ARHGAP24: variants seen among roughly 807,000 people sequenced by gnomAD.
ARHGAP24 encodes the protein Rho GTPase activating protein 24.
Under a neutral mutation model 76.4 loss-of-function variants are expected in ARHGAP24, and 50 were observed. That is an observed-to-expected ratio of 0.65 (90% CI 0.52 to 0.83). ARHGAP24 has a LOEUF of 0.83. ARHGAP24 is among the 40% of genes least tolerant of loss of function. The pLI is 0.00. For synonymous variants in ARHGAP24, 345 were observed against 323.3 expected, an observed-to-expected ratio of 1.07 and a Z score of -0.72; for missense variants, 930 against 914.2, an observed-to-expected ratio of 1.02 and a Z score of -0.22.
In ARHGAP24 at chr4:85,479,450, T is replaced by C. The variant is rs781340488; in HGVS notation, c.-21+3891T>C. Among the ~76,000 whole-genome samples the C allele has an allele frequency of 7.9e-5, 12 of 152,350 alleles. No homozygotes were observed. The South Asian group carries it at 8.3e-4, about 11-fold the overall frequency. ...CCAAGTGGGAGGTCCTGGATTTGGC[T>C]GTGAAGACTAATAATGAAGTTAAAT... On this transcript the variant is annotated intron_variant, in intron 1 of 9. Transcript: ENST00000395184.
chr4:85,592,284 T>C (rs1728146354), intron 2 of ARHGAP24, among the ~76,000 whole-genome samples: 1 of 152,250 alleles, frequency 6.6e-6, no homozygotes, highest in South Asian at 2.1e-4. Flanking sequence ...TTCATATAAC[T>C]GTTTGCCATT....
At chr4:85,574,115 C>G (rs562545862) in intron 2 of ARHGAP24, among the ~76,000 whole-genome samples, 1 of 152,140 alleles carries the variant, frequency 6.6e-6, no homozygotes, top group Non-Finnish European at 1.5e-5. Flanking sequence ...TCTTAAAAGG[C>G]ACTTCTAAAA....
chr4:85,782,800 C>T (rs1455661690), intron 3 of ARHGAP24, among the ~76,000 whole-genome samples: 2 of 152,262 alleles, frequency 1.3e-5, no homozygotes, highest in East Asian at 3.9e-4. Flanking sequence ...TAAATTGGAG[C>T]TTCTGGACAG....
chr4:85,524,386 A>C (rs1724902587), intron 1 of ARHGAP24, among the ~76,000 whole-genome samples: 2 of 152,150 alleles, frequency 1.3e-5, no homozygotes, highest in South Asian at 4.1e-4. Context: ...ATTATGTAAA[A>C]TTTCTACCAT....
At chr4:85,536,535 A>G (rs940187682) in intron 1 of ARHGAP24, among the ~76,000 whole-genome samples, 1 of 152,150 alleles carries the variant, frequency 6.6e-6, no homozygotes, top group African/African-American at 2.4e-5. Context: ...TTCAAACTCT[A>G]ATTAATACAT....
Position 85,744,911 on chromosome 4 carries a change from G to A in ARHGAP24, c.268+22939G>A, listed in dbSNP as rs556777115. Among the ~76,000 whole-genome samples, 3 of 152,206 alleles carry A rather than the reference G, an allele frequency of 2.0e-5. No homozygotes were observed. In the East Asian group the frequency reaches 5.8e-4, roughly 29 times the overall value. ...AATCATTAGAGGGAATTAGCCAGGC[G>A]GTACAGAATATCATATGCCAGCCTC... On this transcript the variant is annotated intron_variant, in intron 3 of 9. Transcript: ENST00000395184.
Position 86,000,867 on chromosome 4 carries a change from C to T in ARHGAP24, c.*145C>T. On this transcript the variant is annotated 3_prime_UTR_variant, in exon 10 of 10. Coordinates refer to ENST00000395184, the MANE Select transcript of ARHGAP24 (RefSeq NM_001025616.3). ...ATATCATTTACAGACATTAAACATC[C>T]ATATCTGCAATGTGTACCAAAGTTA... The T allele has an allele frequency of 8.2e-7, 1 of 1,223,436 alleles. No individual in the cohort carries two copies. The highest frequency in any genetic ancestry group is 1.1e-6 in the Non-Finnish European group (1 of 870,784). 75.8% of individuals were successfully genotyped at this position (1,223,436 alleles called of 1,614,324 possible).
At chr4:85,894,600 G>T (rs558437856) in intron 3 of ARHGAP24, among the ~76,000 whole-genome samples, 44 of 152,084 alleles carry the variant, frequency 2.9e-4, no homozygotes, top group Admixed American at 2.5e-3. Context: ...CAGCTAATGA[G>T]CAAACCCCAC....
At position 85,852,581 on chromosome 4, in the gene ARHGAP24, G is replaced by C. The variant is rs1731300698; in HGVS notation, c.269-71067G>C. Among the ~76,000 whole-genome samples the C allele has an allele frequency of 3.3e-5, 5 of 152,180 alleles. No individual in the cohort carries two copies. In the South Asian group the frequency reaches 1.0e-3, roughly 32 times the overall value. On this transcript the variant is annotated intron_variant, in intron 3 of 9. Transcript: ENST00000395184. ...TCTGCTCTGGTTTCTCCCCATCTTT[G>C]TTGTTTTTATCTACCTTTGGTCTTT...
chr4:85,847,657 C>A (rs1730962873), intron 3 of ARHGAP24, among the ~76,000 whole-genome samples: 1 of 152,146 alleles, frequency 6.6e-6, no homozygotes, highest in Non-Finnish European at 1.5e-5. Flanking sequence ...GGGACTATAC[C>A]TGTCCTATTT....
At chr4:85,613,007 A>G (rs559542853) in intron 2 of ARHGAP24, among the ~76,000 whole-genome samples, 10 of 151,962 alleles carry the variant, frequency 6.6e-5, no homozygotes, top group African/African-American at 2.4e-4. Context: ...CATGTTGCCC[A>G]GGCTGGTCTT....
Position 85,541,142 on chromosome 4 carries a change from CTTTTTTTTTTTTTT to C in ARHGAP24, c.-20-29364_-20-29351del, listed in dbSNP as rs70948733. On this transcript the variant is annotated intron_variant, in intron 1 of 9. Coordinates refer to ENST00000395184, the MANE Select transcript of ARHGAP24 (RefSeq NM_001025616.3). ...TGTGTCTTCTGCTAGCATCCATGAC[CTTTTTTTTTTTTTT>C]TTTTTTTTTTTTTTTGAGACGGAGT... 6.6e-3 allele frequency among the ~76,000 whole-genome samples: 330 copies of C among 49,788 alleles called. 9 individuals carry two copies. Among genetic ancestry groups the C allele is most frequent in the Non-Finnish European group, 8.1e-3 (257 of 31,868 alleles). The allele number at this position is 49,788 out of a possible 152,430, so 32.7% of individuals were successfully genotyped here.
intron 2 of ARHGAP24, among the ~76,000 whole-genome samples, chr4:85,660,643 G>C (rs539866890): frequency 1.1e-3 from 160 of 151,768 alleles, no homozygotes; most frequent in African/African-American, 3.6e-3. Context: ...TAAAAATGCA[G>C]AAATTAGCTG....
intron 3 of ARHGAP24, among the ~76,000 whole-genome samples, chr4:85,879,620 C>T (rs954051238): frequency 7.9e-5 from 12 of 151,870 alleles, no homozygotes; most frequent in African/African-American, 2.9e-4. Context: ...CAAGTTTATG[C>T]ACTAGTCCTC....
At chr4:85,594,550 G>A (rs1213263961) in intron 2 of ARHGAP24, among the ~76,000 whole-genome samples, 2 of 152,002 alleles carry the variant, frequency 1.3e-5, no homozygotes, top group East Asian at 1.9e-4. Context: ...AAGGAGAGAT[G>A]ATACCTATCT....
At chr4:85,912,166 A>G (rs1312924875) in intron 3 of ARHGAP24, among the ~76,000 whole-genome samples, 3 of 152,228 alleles carry the variant, frequency 2.0e-5, no homozygotes, top group African/African-American at 7.2e-5. Flanking sequence ...AATATCCCCA[A>G]GTATCCTTAG....
chr4:85,929,956 C>T (rs1487376191), intron 4 of ARHGAP24, among the ~76,000 whole-genome samples: 1 of 152,162 alleles, frequency 6.6e-6, no homozygotes, highest in Non-Finnish European at 1.5e-5. Context: ...CTACACAAGA[C>T]AAGAGCTGGG....
rs968467647 is a variant in ARHGAP24 at position 85,759,180 on chromosome 4, G to A, written c.268+37208G>A. On this transcript the variant is annotated intron_variant, in intron 3 of 9. Transcript: ENST00000395184. Reference sequence around the variant, plus strand: ...TAGTTTTTCCCTATGTATCATCTGGGGACCCCTTGCATTCAAATCACAAAC... The same window carrying A: ...TAGTTTTTCCCTATGTATCATCTGGAGACCCCTTGCATTCAAATCACAAAC... Among the ~76,000 whole-genome samples, 3 of 151,966 alleles carry A rather than the reference G, an allele frequency of 2.0e-5. 1 individual carries two copies. The highest frequency in any genetic ancestry group is 4.4e-5 in the Non-Finnish European group (3 of 68,020).
chr4:85,857,453 AG>A (rs1731644526), intron 3 of ARHGAP24, among the ~76,000 whole-genome samples: 2 of 152,252 alleles, frequency 1.3e-5, no homozygotes, highest in African/African-American at 4.8e-5. Flanking sequence ...TAGTTTATTA[AG>A]AAAGTGTGGG....
Sources: allele counts gnomAD v4.1 joint callset (sites outside exome capture counted in the v4.1 genomes callset), GRCh38; gene constraint gnomAD v4.1.1; transcripts MANE v1.5; gene names NCBI Gene and HGNC (gene_info 2026-07-23, HGNC 2026-07-21).